The following PHACTR3 variants were observed in gnomAD, a reference collection of about 807,000 sequenced individuals.
The protein encoded by PHACTR3 is phosphatase and actin regulator 3.
Under a neutral mutation model 66.8 loss-of-function variants are expected in PHACTR3, and 16 were observed. The ratio of observed to expected loss-of-function variants is 0.24; its 90% CI spans 0.16 to 0.36. PHACTR3 has a LOEUF of 0.36. Ranked by LOEUF, PHACTR3 falls within the 10% of genes least tolerant of loss-of-function variation. The pLI, the probability that PHACTR3 is intolerant of heterozygous loss-of-function variation, is 1.00. For missense variants in PHACTR3, 647 were observed against 719.9 expected (o/e 0.90, Z 1.16); for synonymous variants, 323 against 292.1 (o/e 1.11, Z -1.08).
chr20:59,735,403 T>C (rs1200233243), intron 1 of PHACTR3, among the ~76,000 whole-genome samples: 1 of 152,108 alleles, frequency 6.6e-6, no homozygotes, highest in African/African-American at 2.4e-5. Context: ...CTGATAGAGA[T>C]GGCACCTTTC....
chr20:59,616,922 G>T (rs1445687532), intron 1 of PHACTR3, among the ~76,000 whole-genome samples: 2 of 152,088 alleles, frequency 1.3e-5, no homozygotes, highest in Non-Finnish European at 2.9e-5. Flanking sequence ...TCAGAGCGTT[G>T]CCTGCACTCT....
At chr20:59,755,481 C>T in intron 4 of PHACTR3, 117 bp downstream of exon 4, 5 of 1,209,026 alleles carry the variant, frequency 4.1e-6, no homozygotes, top group African/African-American at 1.5e-5. Flanking sequence ...CTCCAGAGAG[C>T]TGGGCCCGTG....
chr20:59,757,509 C>T (rs971486025), intron 4 of PHACTR3, among the ~76,000 whole-genome samples: 13 of 135,250 alleles, frequency 9.6e-5, no homozygotes, highest in African/African-American at 3.2e-4. Context: ...GGAACACACA[C>T]GTTTTCTGTA....
rs112077104 is a variant in PHACTR3, at chr20:59,784,145, T to G, written c.1174+9655T>G. Among the ~76,000 whole-genome samples the G allele has an allele frequency of 8.5e-3, 1,295 of 152,262 alleles. 7 individuals carry two copies. The highest frequency in any genetic ancestry group is 0.025 in the South Asian group (123 of 4,824). ...GTCAGTTAAAGGTTTGAGAATAAAT[T>G]GGAGTTTCCCAGAGAAGAGGAAATC... On this transcript the variant is annotated intron_variant, in intron 7 of 12. Coordinates refer to ENST00000371015, the MANE Select transcript of PHACTR3 (RefSeq NM_080672.5).
chr20:59,819,238 T>C (rs951571628), intron 8 of PHACTR3, among the ~76,000 whole-genome samples: 1 of 151,880 alleles, frequency 6.6e-6, no homozygotes, highest in Non-Finnish European at 1.5e-5. Flanking sequence ...CAGACCTGGG[T>C]GCCCACAGGC....
intron 1 of PHACTR3, among the ~76,000 whole-genome samples, chr20:59,728,338 T>C (rs918674345): frequency 3.9e-5 from 6 of 152,012 alleles, no homozygotes; most frequent in African/African-American, 1.2e-4. Context: ...TGGAAAACAA[T>C]TGGGTGGTTC....
chr20:59,656,838 ATC>A (rs1438267099), intron 1 of PHACTR3, among the ~76,000 whole-genome samples: 1 of 151,908 alleles, frequency 6.6e-6, no homozygotes, highest in Non-Finnish European at 1.5e-5. Context: ...TACCATATAC[ATC>A]TTAACTTATC....
At chr20:59,811,522 G>A (rs1216378311) in intron 8 of PHACTR3, among the ~76,000 whole-genome samples, 1 of 152,200 alleles carries the variant, frequency 6.6e-6, no homozygotes, top group East Asian at 1.9e-4. Flanking sequence ...AGCCAGGCGT[G>A]GTGGCAGGTG....
intron 1 of PHACTR3, among the ~76,000 whole-genome samples, chr20:59,694,671 A>C (rs192541309): frequency 3.9e-4 from 60 of 152,284 alleles, no homozygotes; most frequent in Admixed American, 7.8e-4. Context: ...TGTGTGATGG[A>C]GTAATAGTAG....
intron 8 of PHACTR3, among the ~76,000 whole-genome samples, chr20:59,818,592 G>A (rs1046382392): frequency 6.6e-6 from 1 of 152,186 alleles, no homozygotes; most frequent in Admixed American, 6.5e-5. Context: ...CCTCTCAGCT[G>A]TATCTCCAGT....
chr20:59,623,734 C>T (rs767087964), intron 1 of PHACTR3, among the ~76,000 whole-genome samples: 2 of 152,112 alleles, frequency 1.3e-5, no homozygotes, highest in Non-Finnish European at 2.9e-5. Flanking sequence ...GATGTGGTGG[C>T]CATGTGGTGG....
chr20:59,593,020 G>A (rs893033656), intron 1 of PHACTR3, among the ~76,000 whole-genome samples: 2 of 152,190 alleles, frequency 1.3e-5, no homozygotes, highest in African/African-American at 4.8e-5. Context: ...ACCAAGGAAG[G>A]CAATGTCTGG....
intron 7 of PHACTR3, among the ~76,000 whole-genome samples, chr20:59,779,717 A>G (rs544263608): frequency 6.3e-4 from 96 of 152,368 alleles, no homozygotes; most frequent in African/African-American, 2.2e-3. Flanking sequence ...TCAGTTCTCT[A>G]TTAGAATGGA....
At chr20:59,781,772 C>T (rs187388112) in intron 7 of PHACTR3, among the ~76,000 whole-genome samples, 154 of 152,196 alleles carry the variant, frequency 1.0e-3, no homozygotes, top group African/African-American at 3.6e-3. Context: ...TCTAGCACAG[C>T]CTGCCCCACT....
At chr20:59,580,266 G>T (rs770725900) in intron 1 of PHACTR3, among the ~76,000 whole-genome samples, 6 of 152,186 alleles carry the variant, frequency 3.9e-5, no homozygotes, top group Non-Finnish European at 7.3e-5. Context: ...GAACCAGGCT[G>T]TGTGCCCACA....
At chr20:59,785,605 G>A (rs1436197837) in intron 7 of PHACTR3, among the ~76,000 whole-genome samples, 2 of 152,184 alleles carry the variant, frequency 1.3e-5, no homozygotes, top group Admixed American at 6.5e-5. Context: ...ATTCGCCAGC[G>A]ACCTGAGTTG....
At chr20:59,754,723 G>A (rs969335367) in intron 3 of PHACTR3, among the ~76,000 whole-genome samples, 2 of 152,208 alleles carry the variant, frequency 1.3e-5, no homozygotes, top group African/African-American at 2.4e-5. Flanking sequence ...GCCAGCTGCT[G>A]GGCATGTCTT....
intron 1 of PHACTR3, among the ~76,000 whole-genome samples, chr20:59,584,420 A>C (rs543825546): frequency 6.6e-6 from 1 of 150,522 alleles, no homozygotes; most frequent in Non-Finnish European, 1.5e-5. Flanking sequence ...CTGTGTGTGT[A>C]TGCATGTGTG....
In PHACTR3 at chr20:59,743,244, G is replaced by A. The variant is rs1332569140; in HGVS notation, c.256G>A (p.Glu86Lys). The change falls in exon 2 of 13, where the codon GAA (glutamate) becomes AAA (lysine). Residue 86 changes from glutamate (E) to lysine (K), a missense_variant. Physicochemically the swap from Glu to Lys is moderately conservative, Grantham distance 56. Coordinates refer to ENST00000371015, the MANE Select transcript of PHACTR3 (RefSeq NM_080672.5). ...CTGGAAATGGAGGAAAAAGAAAAAC[G>A]AAAAACTGAAGCAGACAACGTCAGG... is the stretch of plus-strand genomic sequence containing the variant. ...KPWKWRKKKN[E>K]KLKQTTSALE... 1.2e-6 allele frequency: 2 copies of A among 1,613,980 alleles called. No homozygotes were observed. Among genetic ancestry groups the A allele is most frequent in the African/African-American group, 1.3e-5 (1 of 74,960 alleles).
Sources: gnomAD v4.1 joint callset for allele counts (sites outside exome capture counted in the v4.1 genomes callset) on GRCh38, gnomAD v4.1.1 for gene constraint, MANE v1.5 for transcripts, NCBI Gene and HGNC (gene_info 2026-07-23, HGNC 2026-07-21) for gene names.